KCNAB2: variants seen among roughly 807,000 people sequenced by gnomAD.
The protein encoded by KCNAB2 is voltage-gated potassium channel subunit beta-2.
In KCNAB2, 29 loss-of-function variants were observed where a neutral mutation model predicts 63.6. The observed-to-expected ratio is 0.46, with a 90% CI of 0.34 to 0.62. The LOEUF is 0.62. Ranked by LOEUF, KCNAB2 falls within the 20% of genes least tolerant of loss-of-function variation. KCNAB2 has a pLI of 0.01. For missense variants in KCNAB2, 359 were observed against 563.9 expected, an observed-to-expected ratio of 0.64 and a Z score of 3.68; for synonymous variants, 222 against 224.2, an observed-to-expected ratio of 0.99 and a Z score of 0.09.
At chr1:6,020,371 A>G (rs1570875603) in intron 1 of KCNAB2, among the ~76,000 whole-genome samples, 1 of 152,080 alleles carries the variant, frequency 6.6e-6, no homozygotes, top group Admixed American at 6.5e-5. Flanking sequence ...ACAGCCTCCC[A>G]CCTCAGCCTC....
intron 4 of KCNAB2, among the ~76,000 whole-genome samples, chr1:6,079,961 G>A (rs1453102806): frequency 2.0e-5 from 3 of 152,244 alleles, no homozygotes; most frequent in Admixed American, 6.5e-5. Context: ...ATGAGCAGGT[G>A]TGGATTGGTT....
At chr1:6,023,678 ATTCT>A (rs1019514960) in intron 1 of KCNAB2, among the ~76,000 whole-genome samples, 1 of 152,150 alleles carries the variant, frequency 6.6e-6, no homozygotes, top group African/African-American at 2.4e-5. Flanking sequence ...TTCTCTATGT[ATTCT>A]GGATATTAAT....
chr1:6,040,621 C>T (rs754826043), exon 2 of KCNAB2: 21 of 1,613,752 alleles, frequency 1.3e-5, no homozygotes, highest in Admixed American at 1.0e-4. Flanking sequence ...CTGCGGCAGA[C>T]GGGCTCCCCC....
At chr1:6,058,437 T>G (rs1443845126) in intron 2 of KCNAB2, among the ~76,000 whole-genome samples, 1 of 152,186 alleles carries the variant, frequency 6.6e-6, no homozygotes, top group African/African-American at 2.4e-5. Flanking sequence ...ACAAGTCCCC[T>G]GGCCTCTCCA....
intron 1 of KCNAB2, among the ~76,000 whole-genome samples, chr1:6,010,534 T>C (rs951276715): frequency 1.3e-5 from 2 of 152,272 alleles, no homozygotes; most frequent in African/African-American, 4.8e-5. Flanking sequence ...GGCCTTGCTC[T>C]GAACAGCCCT....
At chr1:6,011,394 A>G (rs937806393) in intron 1 of KCNAB2, among the ~76,000 whole-genome samples, 2 of 147,128 alleles carry the variant, frequency 1.4e-5, no homozygotes, top group African/African-American at 5.1e-5. Context: ...AGCTGTGCCC[A>G]GGGCCAGGTG....
At chr1:6,008,727 A>C (rs938395031) in intron 1 of KCNAB2, among the ~76,000 whole-genome samples, 5 of 152,018 alleles carry the variant, frequency 3.3e-5, no homozygotes, top group Non-Finnish European at 7.4e-5. Context: ...GTGATCAGGG[A>C]AGTGGCTGAG....
intron 1 of KCNAB2, among the ~76,000 whole-genome samples, chr1:6,017,256 T>C (rs575830427): frequency 2.6e-5 from 4 of 152,260 alleles, no homozygotes; most frequent in African/African-American, 7.2e-5. Flanking sequence ...GGCCTTCTTA[T>C]TGAGCTTTTT....
In KCNAB2 at chr1:6,073,979, G is replaced by A; in HGVS notation, c.300+209G>A. On this transcript the variant is annotated intron_variant, in intron 4 of 15. Transcript: ENST00000378083. This position sits in a 1 kb window ranked among gnomAD's most constrained non-coding sequence, Gnocchi z 5.7. ...ATGGCCAGAGGGGATGCCGAGTCTG[G>A]TGCCATCACCCAGCAGTGGATGCCT... 1 of 594,106 alleles carries A rather than the reference G, an allele frequency of 1.7e-6. No homozygotes were observed. The highest frequency in any genetic ancestry group is 2.8e-5 in the East Asian group (1 of 35,702). 36.8% of individuals were successfully genotyped at this position (594,106 alleles called of 1,614,324 possible).
rs1447995323 is a variant in KCNAB2 at position 6,071,937 on chromosome 1, C to T, written c.219-818C>T. Among the ~76,000 whole-genome samples, 3 of 152,156 alleles carry T rather than the reference C, an allele frequency of 2.0e-5. No individual in the cohort carries two copies. The highest frequency in any genetic ancestry group is 4.4e-5 in the Non-Finnish European group (3 of 67,982). ...CCCGGGAGGATCCGGGGACAGGATGCCTGGGGACTGCCTGGCCTGCTGCAA... is the reference window on the plus strand; with the variant it reads ...CCCGGGAGGATCCGGGGACAGGATGTCTGGGGACTGCCTGGCCTGCTGCAA... On this transcript the variant is annotated intron_variant, in intron 2 of 15. Coordinates refer to ENST00000378083, the MANE Select transcript of KCNAB2 (RefSeq NM_001199862.2). This position sits in a 1 kb window ranked among gnomAD's most constrained non-coding sequence, Gnocchi z 8.5.
Position 6,064,206 on chromosome 1 carries a change from G to A in KCNAB2, c.219-8549G>A, listed in dbSNP as rs557167061. On this transcript the variant is annotated intron_variant, in intron 2 of 15. Coordinates refer to ENST00000378083, the MANE Select transcript of KCNAB2 (RefSeq NM_001199862.2). The stretch of plus-strand genomic sequence containing the variant: ...AACGCCGCCTTCCGGGCTGAACACC[G>A]CCTTCTGGGCTGGGCCTCAGAGCCA... 7.2e-5 allele frequency among the ~76,000 whole-genome samples: 11 copies of A among 152,342 alleles called. 1 individual carries two copies. In the South Asian group the frequency reaches 2.1e-3, roughly 29 times the overall value.
intron 10 of KCNAB2, among the ~76,000 whole-genome samples, chr1:6,094,031 G>C (rs1195865006): frequency 6.6e-6 from 1 of 152,040 alleles, no homozygotes; most frequent in African/African-American, 2.4e-5. Context: ...CGGGGCCCTC[G>C]AATCTTCCCC....
Position 6,073,978 on chromosome 1 carries a change from G to A in KCNAB2, c.300+208G>A. 3 of 594,208 alleles carry A rather than the reference G, an allele frequency of 5.0e-6. No homozygotes were observed. The highest frequency in any genetic ancestry group is 2.0e-5 in the South Asian group (1 of 50,818). 36.8% of individuals were successfully genotyped at this position (594,208 alleles called of 1,614,324 possible). A position where few individuals can be genotyped will look rare whatever the true frequency, so the allele number is the denominator to read the frequency against. On this transcript the variant is annotated intron_variant, in intron 4 of 15. Transcript: ENST00000378083. The surrounding 1 kb of genome is among the most constrained non-coding windows in gnomAD (Gnocchi z 5.7). Reference sequence around the variant, plus strand: ...CATGGCCAGAGGGGATGCCGAGTCTGGTGCCATCACCCAGCAGTGGATGCC... The same window carrying A: ...CATGGCCAGAGGGGATGCCGAGTCTAGTGCCATCACCCAGCAGTGGATGCC...
At chr1:6,098,162 A>T (rs1665807459) in intron 15 of KCNAB2, 1 of 1,083,106 alleles carries the variant, frequency 9.2e-7, no homozygotes, top group Admixed American at 5.0e-5. Flanking sequence ...CGCAGCTGGA[A>T]AAAGCAGTCA....
intron 1 of KCNAB2, among the ~76,000 whole-genome samples, chr1:6,008,167 GA>G (rs1228478107): frequency 6.6e-6 from 1 of 152,168 alleles, no homozygotes; most frequent in African/African-American, 2.4e-5. Context: ...GCAGGGCTTG[GA>G]TTTCACGAGG....
rs1193258863 is a variant in KCNAB2, at chr1:6,078,825, C to T, written c.301-3370C>T. Among the ~76,000 whole-genome samples the T allele has an allele frequency of 9.9e-5, 15 of 152,134 alleles. No homozygotes were observed. The highest frequency in any genetic ancestry group is 1.8e-4 in the Non-Finnish European group (12 of 68,024). Reference sequence around the variant, plus strand: ...GCACATCCTGATGTGGCAGGGCTGTCGTGGAGCCTGGGAGGCCGCATTTCT... The same window carrying T: ...GCACATCCTGATGTGGCAGGGCTGTTGTGGAGCCTGGGAGGCCGCATTTCT... On this transcript the variant is annotated intron_variant, in intron 4 of 15. Coordinates refer to ENST00000378083, the MANE Select transcript of KCNAB2 (RefSeq NM_001199862.2). This position sits in a 1 kb window ranked among gnomAD's most constrained non-coding sequence, Gnocchi z 4.2.
At chr1:6,051,250 C>G (rs1661356322) in intron 1 of KCNAB2, among the ~76,000 whole-genome samples, 1 of 152,250 alleles carries the variant, frequency 6.6e-6, no homozygotes, top group African/African-American at 2.4e-5. Context: ...GCAGCTTTGC[C>G]TGTGCTTGTC....
intron 1 of KCNAB2, among the ~76,000 whole-genome samples, chr1:6,013,196 G>A (rs1658294223): frequency 6.6e-6 from 1 of 152,154 alleles, no homozygotes; most frequent in South Asian, 2.1e-4. Flanking sequence ...CCAATGAGGT[G>A]TCAGTTCCTG....
intron 1 of KCNAB2, among the ~76,000 whole-genome samples, chr1:6,002,952 T>A (rs1657342337): frequency 6.6e-6 from 1 of 152,200 alleles, no homozygotes; most frequent in African/African-American, 2.4e-5. Context: ...TCCACACATT[T>A]GTTCTTAGTC....
Sources: gnomAD v4.1 joint callset for allele counts (sites outside exome capture counted in the v4.1 genomes callset) on GRCh38, gnomAD v4.1.1 for gene constraint, Gnocchi (gnomAD v3.1) non-coding constraint, MANE v1.5 for transcripts, NCBI Gene and HGNC (gene_info 2026-07-23, HGNC 2026-07-21) for gene names.